Variants in KCNN2 observed in about 807,000 individuals in gnomAD.
The protein encoded by KCNN2 is small conductance calcium-activated potassium channel protein 2.
In KCNN2, 24 loss-of-function variants were observed where a neutral mutation model predicts 55.5. That is an observed-to-expected ratio of 0.43 (90% CI 0.31 to 0.61). KCNN2 has a LOEUF of 0.61. Ranked by LOEUF, KCNN2 falls within the 20% of genes least tolerant of loss-of-function variation. KCNN2 has a pLI of 0.08. For synonymous variants in KCNN2, 431 were observed against 336.1 expected (o/e 1.28, Z -3.09); for missense variants, 754 against 853.6 (o/e 0.88, Z 1.45).
At chr5:114,249,953 C>T (rs367663626) in intron 2 of KCNN2, among the ~76,000 whole-genome samples, 6 of 152,178 alleles carry the variant, frequency 3.9e-5, no homozygotes, top group East Asian at 1.9e-4. Context: ...ACATATGATA[C>T]GTATAACATT....
chr5:114,428,964 C>T (rs1282609352), intron 3 of KCNN2, among the ~76,000 whole-genome samples: 3 of 151,916 alleles, frequency 2.0e-5, no homozygotes, highest in Non-Finnish European at 4.4e-5. Context: ...TATTCATGTA[C>T]TCATTAGAGG....
At chr5:114,227,160 A>G (rs1166271259) in intron 2 of KCNN2, among the ~76,000 whole-genome samples, 2 of 152,156 alleles carry the variant, frequency 1.3e-5, no homozygotes, top group African/African-American at 2.4e-5. Flanking sequence ...TCTAAAATGT[A>G]CACTCTTTTA....
At chr5:114,274,091 T>A (rs978213553) in intron 2 of KCNN2, among the ~76,000 whole-genome samples, 2 of 152,210 alleles carry the variant, frequency 1.3e-5, no homozygotes, top group African/African-American at 4.8e-5. Context: ...ATTTATTAAA[T>A]AGGGAATCAT....
chr5:114,421,338 T>C (rs1325887616), intron 3 of KCNN2, among the ~76,000 whole-genome samples: 1 of 152,140 alleles, frequency 6.6e-6, no homozygotes, highest in African/African-American at 2.4e-5. Context: ...TGGCCCAAGC[T>C]GGAGTGCAGT....
chr5:114,289,275 G>T (rs1386341235), intron 2 of KCNN2, among the ~76,000 whole-genome samples: 1 of 151,932 alleles, frequency 6.6e-6, no homozygotes, highest in Non-Finnish European at 1.5e-5. Context: ...ACAAGTACAG[G>T]TCCTCCAATT....
intron 3 of KCNN2, chr5:114,433,628 C>G (rs776566088): frequency 6.6e-6 from 1 of 152,548 alleles, no homozygotes; most frequent in Non-Finnish European, 1.5e-5. Flanking sequence ...CTGTAACACT[C>G]ACCGCGAAAG....
At chr5:114,491,127 T>C (rs1446109094) in intron 6 of KCNN2, among the ~76,000 whole-genome samples, 8 of 152,292 alleles carry the variant, frequency 5.3e-5, no homozygotes, top group African/African-American at 1.7e-4. Flanking sequence ...AGACATAGTA[T>C]AGTAATCCAA....
chr5:114,211,263 A>G (rs1753878227), intron 1 of KCNN2, among the ~76,000 whole-genome samples: 1 of 152,206 alleles, frequency 6.6e-6, no homozygotes, highest in South Asian at 2.1e-4. Flanking sequence ...ATGCACAAGT[A>G]TGTTCACTGC....
chr5:114,296,819 T>C (rs1013060637), intron 2 of KCNN2, among the ~76,000 whole-genome samples: 1 of 152,252 alleles, frequency 6.6e-6, no homozygotes, highest in Non-Finnish European at 1.5e-5. Context: ...CTTCATATTT[T>C]GACATTAAAA....
intron 1 of KCNN2, among the ~76,000 whole-genome samples, chr5:114,217,058 G>A (rs1477557536): frequency 2.0e-5 from 3 of 152,022 alleles, no homozygotes; most frequent in Admixed American, 1.3e-4. Flanking sequence ...ATCAAAATAT[G>A]TATAAGACTT....
intron 2 of KCNN2, among the ~76,000 whole-genome samples, chr5:114,373,813 T>C (rs1165254638): frequency 1.3e-5 from 2 of 149,068 alleles, no homozygotes; most frequent in Non-Finnish European, 3.0e-5. Flanking sequence ...TTTTTTTCCT[T>C]ATGAAACTTA....
chr5:114,302,041 G>T (rs1456765454), intron 2 of KCNN2, among the ~76,000 whole-genome samples: 3 of 152,182 alleles, frequency 2.0e-5, no homozygotes, highest in African/African-American at 7.2e-5. Context: ...TTGAGGAATA[G>T]TCTATTTCTA....
intron 2 of KCNN2, among the ~76,000 whole-genome samples, chr5:114,260,172 A>C (rs1021756559): frequency 1.3e-5 from 2 of 152,180 alleles, no homozygotes; most frequent in African/African-American, 4.8e-5. Context: ...CTTCTGCTCT[A>C]GTTCCTCAAT....
intron 2 of KCNN2, among the ~76,000 whole-genome samples, chr5:114,317,849 C>T (rs186798186): frequency 3.9e-5 from 6 of 152,326 alleles, no homozygotes; most frequent in African/African-American, 7.2e-5. Flanking sequence ...TGTTTCTTAG[C>T]GACTGCCTGC....
chr5:114,255,218 A>G (rs1754958757), intron 2 of KCNN2, among the ~76,000 whole-genome samples: 1 of 152,200 alleles, frequency 6.6e-6, no homozygotes, highest in South Asian at 2.1e-4. Context: ...CGAGACAGAG[A>G]GACATATGTG....
chr5:114,249,478 G>T (rs553039218), intron 2 of KCNN2, among the ~76,000 whole-genome samples: 1 of 151,704 alleles, frequency 6.6e-6, no homozygotes, highest in East Asian at 1.9e-4. Flanking sequence ...CTAGAGATGA[G>T]GTTTCACCAT....
intron 1 of KCNN2, among the ~76,000 whole-genome samples, chr5:114,122,703 AAAG>A (rs995187654): frequency 6.6e-6 from 1 of 152,170 alleles, no homozygotes; most frequent in African/African-American, 2.4e-5. Flanking sequence ...CCCCAACAAA[AAAG>A]GAGAGGAATA....
chr5:114,486,037 T>C (rs1310398590), intron 5 of KCNN2, among the ~76,000 whole-genome samples: 1 of 152,224 alleles, frequency 6.6e-6, no homozygotes, highest in African/African-American at 2.4e-5. Context: ...CACTTCAACC[T>C]GACTTGGTTA....
chr5:114,438,748 A>G (rs1178952653), intron 3 of KCNN2, among the ~76,000 whole-genome samples: 1 of 152,120 alleles, frequency 6.6e-6, no homozygotes, highest in Non-Finnish European at 1.5e-5. Flanking sequence ...GTCAAAAATA[A>G]ATTCTGCCCT....
Sources: gnomAD v4.1 joint callset for allele counts (sites outside exome capture counted in the v4.1 genomes callset) on GRCh38, gnomAD v4.1.1 for gene constraint, MANE v1.5 for transcripts, NCBI Gene and HGNC (gene_info 2026-07-23, HGNC 2026-07-21) for gene names.